NSD3: variants seen among roughly 807,000 people sequenced by gnomAD.
The protein encoded by NSD3 is histone-lysine N-methyltransferase NSD3.
NSD3 carries 24 observed loss-of-function variants against 160.8 expected under a neutral mutation model. The observed-to-expected ratio is 0.15, with a 90% CI of 0.11 to 0.21. The LOEUF is 0.21. NSD3 is among the 10% of genes least tolerant of loss of function. The probability of loss-of-function intolerance (pLI) is 1.00; values close to 1 mark genes in which losing one functional copy is unlikely to be tolerated. For synonymous variants in NSD3, 520 were observed against 600.0 expected, an observed-to-expected ratio of 0.87 and a Z score of 1.95; for missense variants, 1,157 against 1,735.9, an observed-to-expected ratio of 0.67 and a Z score of 5.93.
intron 1 of NSD3, among the ~76,000 whole-genome samples, chr8:38,353,464 G>A (rs1329643462): frequency 1.3e-5 from 2 of 152,172 alleles, no homozygotes; most frequent in African/African-American, 4.8e-5. Context: ...TCTTGTAACT[G>A]TTGTATACAA....
intron 7 of NSD3, among the ~76,000 whole-genome samples, chr8:38,325,839 AGAGT>A (rs960657196): frequency 2.0e-5 from 3 of 150,212 alleles, no homozygotes; most frequent in African/African-American, 7.4e-5. Flanking sequence ...TCTGCATGAC[AGAGT>A]GAGACCCCGT....
intron 16 of NSD3, among the ~76,000 whole-genome samples, chr8:38,295,287 C>T (rs1208532172): frequency 6.6e-6 from 1 of 151,270 alleles, no homozygotes; most frequent in Non-Finnish European, 1.5e-5. Flanking sequence ...AGTTGGTGGG[C>T]ATGGTGGCTC....
intron 21 of NSD3, among the ~76,000 whole-genome samples, chr8:38,278,659 T>C (rs1808668562): frequency 6.6e-6 from 1 of 152,228 alleles, no homozygotes; most frequent in South Asian, 2.1e-4. Flanking sequence ...ACAGCAGTGG[T>C]TGAAACCAAA....
chr8:38,321,225 A>G lies in NSD3; in HGVS notation c.1709-53T>C. 1 of 1,449,210 alleles carries G rather than the reference A, an allele frequency of 6.9e-7. No individual in the cohort carries two copies. Among genetic ancestry groups the G allele is most frequent in the Non-Finnish European group, 9.5e-7 (1 of 1,053,148 alleles). The allele number at this position is 1,449,210 out of a possible 1,614,324, so 89.8% of individuals were successfully genotyped here. ...AAAACTCACTTAAGGATACCTTGAC[A>G]TCTATGTAATTAAGATATGACCACA... On this transcript the variant is annotated intron_variant, in intron 7 of 23. Coordinates refer to ENST00000317025, the MANE Select transcript of NSD3 (RefSeq NM_023034.2). This position sits in a 1 kb window ranked among gnomAD's most constrained non-coding sequence, Gnocchi z 4.7.
Position 38,295,824 on chromosome 8 carries a change from T to A in NSD3, c.2887A>T (p.Ile963Phe). ...TAATTTCCCAATTTGACCCAAACAA[T>A]CTGCTTGTAATGTAGTTTCTTGCCA... Reference protein sequence around the residue: ...KAGKKLHYKQIVWVKLGNYRW... With the variant: ...KAGKKLHYKQFVWVKLGNYRW... Residue 963 changes from isoleucine to phenylalanine, a missense_variant, in exon 16 of 24, where the codon ATT becomes TTT. Ile to Phe is a conservative substitution (Grantham distance 21, BLOSUM62 0). Transcript: ENST00000317025. 1 of 1,612,614 alleles carries A rather than the reference T, an allele frequency of 6.2e-7. No homozygotes were observed. The highest frequency in any genetic ancestry group is 8.5e-7 in the Non-Finnish European group (1 of 1,179,738).
chr8:38,371,047 A>T (rs966217182), intron 1 of NSD3, among the ~76,000 whole-genome samples: 1 of 152,076 alleles, frequency 6.6e-6, no homozygotes, highest in Non-Finnish European at 1.5e-5. Flanking sequence ...ATAATAGCAC[A>T]CCTGTACACT....
chr8:38,331,229 A>G (rs1263088556), intron 5 of NSD3, among the ~76,000 whole-genome samples: 1 of 152,200 alleles, frequency 6.6e-6, no homozygotes, highest in Non-Finnish European at 1.5e-5. Flanking sequence ...TTTTAATAGT[A>G]CTATACGTCG....
chr8:38,275,992 A>T, intron 23 of NSD3, 110 bp from the exon 24 acceptor site: 1 of 975,346 alleles, frequency 1.0e-6, no homozygotes, highest in Non-Finnish European at 1.5e-6. Context: ...ATGGAATTCA[A>T]TTGAATACAA....
intron 1 of NSD3, among the ~76,000 whole-genome samples, chr8:38,364,529 C>T (rs1811063036): frequency 6.6e-6 from 1 of 152,190 alleles, no homozygotes; most frequent in African/African-American, 2.4e-5. Flanking sequence ...CTGGAGTTTA[C>T]TCTCATTCTA....
chr8:38,288,844 G>A lies in NSD3; in HGVS notation c.3232-88C>T, dbSNP rs753156204. On this transcript the variant is annotated intron_variant, in intron 18 of 23. Coordinates refer to ENST00000317025, the MANE Select transcript of NSD3 (RefSeq NM_023034.2). The surrounding 1 kb of genome is among the most constrained non-coding windows in gnomAD (Gnocchi z 4.5). ...GAACATCTAAAACATCCACGCTACT[G>A]CCTCGTGGTGCTACTCCGAGAAAGG... The A allele has an allele frequency of 2.0e-6, 3 of 1,493,792 alleles. No individual in the cohort carries two copies. The highest frequency in any genetic ancestry group is 2.7e-6 in the Non-Finnish European group (3 of 1,100,162). 92.5% of individuals were successfully genotyped at this position (1,493,792 alleles called of 1,614,324 possible).
chr8:38,339,806 T>C (rs771138157), intron 2 of NSD3, among the ~76,000 whole-genome samples: 2 of 151,732 alleles, frequency 1.3e-5, no homozygotes, highest in Non-Finnish European at 2.9e-5. Context: ...ATTCAAGATA[T>C]GTACACTCTT....
At chr8:38,287,740 C>T (rs1415708738) in intron 19 of NSD3, among the ~76,000 whole-genome samples, 1 of 151,762 alleles carries the variant, frequency 6.6e-6, no homozygotes, top group Non-Finnish European at 1.5e-5. Context: ...GCAACCTCCA[C>T]CTCCAGGGTT....
intron 1 of NSD3, among the ~76,000 whole-genome samples, chr8:38,367,306 A>G (rs948362889): frequency 6.6e-6 from 1 of 152,188 alleles, no homozygotes; most frequent in Non-Finnish European, 1.5e-5. Context: ...CCACATATAT[A>G]AAATGACCAC....
At chr8:38,325,232 A>G (rs1809879519) in intron 7 of NSD3, among the ~76,000 whole-genome samples, 1 of 152,252 alleles carries the variant, frequency 6.6e-6, no homozygotes. Context: ...CCAGGGAGAT[A>G]GTGTGAGAAT....
intron 1 of NSD3, among the ~76,000 whole-genome samples, chr8:38,367,815 C>T (rs1041619777): frequency 1.3e-5 from 2 of 152,130 alleles, no homozygotes; most frequent in African/African-American, 4.8e-5. Flanking sequence ...ATGAAATTCA[C>T]AACCAATACA....
chr8:38,276,173 G>A lies in NSD3; in HGVS notation c.4072+123C>T, dbSNP rs77680504. 1.1e-3 allele frequency: 1,297 copies of A among 1,153,792 alleles called. 15 individuals carry two copies. In the African/African-American group the frequency reaches 0.017, roughly 15 times the overall value. The allele number at this position is 1,153,792 out of a possible 1,614,324, so 71.5% of individuals were successfully genotyped here. ...TGTAAGGGGAAAGATTTTTGCCAGC[G>A]TAATTTTTCGCTATTGTTTGTTCTA... On this transcript the variant is annotated intron_variant, in intron 23 of 23. Coordinates refer to ENST00000317025, the MANE Select transcript of NSD3 (RefSeq NM_023034.2).
At chr8:38,314,002 A>C (rs1809598701) in intron 12 of NSD3, among the ~76,000 whole-genome samples, 1 of 152,082 alleles carries the variant, frequency 6.6e-6, no homozygotes, top group Non-Finnish European at 1.5e-5. Context: ...AAAGCAAAAC[A>C]AAAAACACAT....
rs1585880465 is a variant in NSD3 at position 38,316,127 on chromosome 8, T to C, written c.1856-85A>G. On this transcript the variant is annotated intron_variant, in intron 9 of 23. Coordinates refer to ENST00000317025, the MANE Select transcript of NSD3 (RefSeq NM_023034.2). The surrounding 1 kb of genome is among the most constrained non-coding windows in gnomAD (Gnocchi z 4.5). ...TTGTGTGTGGGAGAATATTTTCTTT[T>C]CTCAAACTCATCTTTAGTGTGGAAA... 8 of 1,543,906 alleles carry C rather than the reference T, an allele frequency of 5.2e-6. No individual in the cohort carries two copies. Among genetic ancestry groups the C allele is most frequent in the South Asian group, 1.2e-5 (1 of 82,120 alleles).
chr8:38,323,247 C>G (rs1809833394), intron 7 of NSD3, among the ~76,000 whole-genome samples: 1 of 151,916 alleles, frequency 6.6e-6, no homozygotes, highest in Non-Finnish European at 1.5e-5. Context: ...TTTGTAGAGA[C>G]AGGGTTTCAC....
Sources: allele counts gnomAD v4.1 joint callset (sites outside exome capture counted in the v4.1 genomes callset), GRCh38; gene constraint gnomAD v4.1.1; non-coding constraint Gnocchi (gnomAD v3.1); transcripts MANE v1.5; gene names NCBI Gene and HGNC (gene_info 2026-07-23, HGNC 2026-07-21).